DCAF8L2: variants seen among roughly 807,000 people sequenced by gnomAD.
DCAF8L2 encodes DDB1 and CUL4 associated factor 8 like 2.
For missense variants in DCAF8L2, 430 were observed against 490.7 expected (o/e 0.88, Z 1.17); for synonymous variants, 200 against 190.9 (o/e 1.05, Z -0.39).
At chrX:27,498,759 G>C in the DCAF8L2 span, among the ~76,000 whole-genome samples, 1 of 112,022 alleles carries the variant, frequency 8.9e-6, no homozygotes, top group Non-Finnish European at 1.9e-5. Context: ...CTCTGCATCT[G>C]AGTATGACTT....
chrX:27,553,447 T>A, the DCAF8L2 span, among the ~76,000 whole-genome samples: 4 of 111,258 alleles, frequency 3.6e-5, no homozygotes, highest in Non-Finnish European at 5.7e-5. Context: ...TGGGTGCATA[T>A]GTGTTTATAA....
At chrX:27,626,584 A>C (rs1928017341) in intron 1 of DCAF8L2, among the ~76,000 whole-genome samples, 1 of 112,227 alleles carries the variant, frequency 8.9e-6, no homozygotes, top group Admixed American at 9.5e-5. Flanking sequence ...GTTGAGTAAA[A>C]ATTACCTAAA....
chrX:27,584,748 T>C, the DCAF8L2 span, among the ~76,000 whole-genome samples: 928 of 111,986 alleles, frequency 8.3e-3, 7 homozygotes, highest in African/African-American at 0.028. Flanking sequence ...CAATATGCTA[T>C]TGTCATTTCA....
In DCAF8L2 at chrX:27,748,435, G is replaced by A. The variant is rs748517593; in HGVS notation, c.1540G>A (p.Gly514Ser). The A allele has an allele frequency of 1.2e-5, 14 of 1,206,646 alleles. No individual in the cohort carries two copies. Among genetic ancestry groups the A allele is most frequent in the Non-Finnish European group, 1.6e-5 (14 of 892,567 alleles). ...CCAGTTCCTAAAGGGGAGCAGAGAAGGTACAATAAACTGTCTTGAACCCCA... is the reference window on the plus strand; with the variant it reads ...CCAGTTCCTAAAGGGGAGCAGAGAAAGTACAATAAACTGTCTTGAACCCCA... ...IIQFLKGSRE[G>S]TINCLEPHPY... is the part of the protein sequence containing the mutation. Residue 514 changes from glycine (G) to serine (S), a missense_variant, in exon 5 of 5, where the codon GGT becomes AGT. Transcript: ENST00000451261.
At chrX:27,677,013 A>G (rs1178955071) in intron 2 of DCAF8L2, 1 of 112,148 alleles carries the variant, frequency 8.9e-6, no homozygotes, top group African/African-American at 3.2e-5. Flanking sequence ...TTTCCTTGTT[A>G]TGAGAGGAGC....
the DCAF8L2 span, among the ~76,000 whole-genome samples, chrX:27,544,897 C>T: frequency 0.011 from 1,175 of 111,848 alleles, 7 homozygotes; most frequent in African/African-American, 0.036. Flanking sequence ...AGTAAAGACA[C>T]GAGTAATTAG....
At chrX:27,488,514 CCT>C in the DCAF8L2 span, among the ~76,000 whole-genome samples, 348 of 72,990 alleles carry the variant, frequency 4.8e-3, 1 homozygote, top group African/African-American at 0.016. Context: ...GCCAAAATTA[CCT>C]CTGTGTGTGT....
At chrX:27,536,312 T>C in the DCAF8L2 span, among the ~76,000 whole-genome samples, 1 of 112,793 alleles carries the variant, frequency 8.9e-6, no homozygotes, top group Non-Finnish European at 1.9e-5. Context: ...GTTTATAAGG[T>C]GAACTAGGTT....
At position 27,747,607 on chromosome X, in the gene DCAF8L2, C is replaced by A; in HGVS notation, c.712C>A (p.Gln238Lys). ...CTGTGTCAATACTGTACACTTTAAC[C>A]AGCGTGGCACCCGGCTGGCCAGTAG... ...VGCVNTVHFN[Q>K]RGTRLASSGD... The change falls in exon 5 of 5, where the codon CAG (glutamine) becomes AAG (lysine). Residue 238 changes from glutamine (Q) to lysine (K), a missense_variant. Gln to Lys is a moderately conservative substitution (Grantham distance 53). Transcript: ENST00000451261. 8.3e-7 allele frequency: 1 copy of A among 1,201,903 alleles called. No individual in the cohort carries two copies. Among genetic ancestry groups the A allele is most frequent in the Non-Finnish European group, 1.1e-6 (1 of 890,251 alleles).
rs1261726030 is a variant in DCAF8L2, at chrX:27,666,041, C to T, written c.-219-11795C>T. ...TATGTACTATTAAGAAATAAAAGCTCATGTGTCATGTTTTCCAAATAATTA... is the reference window on the plus strand; with the variant it reads ...TATGTACTATTAAGAAATAAAAGCTTATGTGTCATGTTTTCCAAATAATTA... On this transcript the variant is annotated intron_variant, in intron 2 of 4. Transcript: ENST00000451261. Among the ~76,000 whole-genome samples the T allele has an allele frequency of 2.7e-5, 3 of 111,409 alleles. No homozygotes were observed. In the Admixed American group the frequency reaches 2.9e-4, roughly 11 times the overall value.
chrX:27,512,898 C>T, the DCAF8L2 span, among the ~76,000 whole-genome samples: 32 of 105,022 alleles, frequency 3.0e-4, no homozygotes, highest in Non-Finnish European at 5.8e-4. Flanking sequence ...AAAACAGACA[C>T]GCAGACCAAT....
chrX:27,532,624 G>A, the DCAF8L2 span, among the ~76,000 whole-genome samples: 4 of 110,870 alleles, frequency 3.6e-5, no homozygotes, highest in East Asian at 1.1e-3. Context: ...GGAGCCAGGT[G>A]CAGTGGCTTG....
chrX:27,652,034 T>C (rs959071494), intron 2 of DCAF8L2, among the ~76,000 whole-genome samples: 4 of 110,083 alleles, frequency 3.6e-5, no homozygotes, highest in Admixed American at 9.7e-5. Context: ...TATTAATTAA[T>C]ATTGATATTA....
Position 27,703,649 on chromosome X carries a change from G to A in DCAF8L2, c.-142-12439G>A, listed in dbSNP as rs540656444. 8.9e-4 allele frequency among the ~76,000 whole-genome samples: 99 copies of A among 111,024 alleles called. 4 individuals carry two copies. The South Asian group carries it at 0.037, about 42-fold the overall frequency. ...TGTTATTTTCAACAAATGGTGCTGG[G>A]AGAACTGGATATCCACATGCAAAAG... is the stretch of plus-strand genomic sequence containing the variant. On this transcript the variant is annotated intron_variant, in intron 3 of 4. Transcript: ENST00000451261.
At chrX:27,661,556 T>G (rs187256630) in intron 2 of DCAF8L2, among the ~76,000 whole-genome samples, 119 of 112,059 alleles carry the variant, frequency 1.1e-3, no homozygotes, top group African/African-American at 3.3e-3. Context: ...CCTGATATTA[T>G]GCTATCTTGT....
chrX:27,634,983 C>CACACACACAT (rs752185455), intron 2 of DCAF8L2, among the ~76,000 whole-genome samples: 12 of 99,190 alleles, frequency 1.2e-4, no homozygotes, highest in South Asian at 8.7e-4. Context: ...CACACACACA[C>CACACACACAT]ATATATAGAG....
chrX:27,697,612 T>C, intron 3 of DCAF8L2, among the ~76,000 whole-genome samples: 1 of 111,614 alleles, frequency 9.0e-6, no homozygotes, highest in Non-Finnish European at 1.9e-5. Context: ...ACTCTTTTTA[T>C]TTTTTTACTA....
intron 1 of DCAF8L2, among the ~76,000 whole-genome samples, chrX:27,596,845 A>G (rs1408447851): frequency 9.0e-6 from 1 of 111,497 alleles, no homozygotes; most frequent in Non-Finnish European, 1.9e-5. Flanking sequence ...CTTTTTAAAC[A>G]TTGTTTTCAG....
chrX:27,505,085 A>G, the DCAF8L2 span, among the ~76,000 whole-genome samples: 27 of 111,940 alleles, frequency 2.4e-4, 1 homozygote, highest in East Asian at 7.3e-3. Context: ...CAAGTCTTTT[A>G]TTATAGAGCA....
Sources: gnomAD v4.1 joint callset for allele counts (sites outside exome capture counted in the v4.1 genomes callset) on GRCh38, gnomAD v4.1.1 for gene constraint, MANE v1.5 for transcripts, NCBI Gene and HGNC (gene_info 2026-07-23, HGNC 2026-07-21) for gene names.